FAM81A: variants seen among roughly 807,000 people sequenced by gnomAD.
FAM81A encodes family with sequence similarity 81 member A.
FAM81A carries 19 observed loss-of-function variants against 46.7 expected under a neutral mutation model. The ratio of observed to expected loss-of-function variants is 0.41; its 90% confidence interval spans 0.28 to 0.60. The LOEUF is 0.60. Ranked by LOEUF, FAM81A falls within the 20% of genes least tolerant of loss-of-function variation. The pLI is 0.34. For missense variants in FAM81A, 377 were observed against 453.5 expected (o/e 0.83, Z 1.53); for synonymous variants, 183 against 152.9 (o/e 1.20, Z -1.45).
intron 2 of FAM81A, among the ~76,000 whole-genome samples, chr15:59,423,409 T>G (rs780719972): frequency 1.2e-4 from 19 of 152,164 alleles, no homozygotes; most frequent in Non-Finnish European, 2.5e-4. Context: ...GAAATGAGTA[T>G]TATTATTAAC....
At chr15:59,497,851 C>T (rs1259331107) in intron 4 of FAM81A, among the ~76,000 whole-genome samples, 1 of 152,082 alleles carries the variant, frequency 6.6e-6, no homozygotes, top group South Asian at 2.1e-4. Flanking sequence ...AACAAATAAG[C>T]CTTTATTTAA....
chr15:59,513,457 G>A (rs113319928), intron 6 of FAM81A, among the ~76,000 whole-genome samples: 14 of 152,282 alleles, frequency 9.2e-5, no homozygotes, highest in African/African-American at 2.4e-4. Flanking sequence ...CTGTGTCGCT[G>A]TGTCACCTCA....
At chr15:59,425,466 G>A (rs2081191071) in intron 2 of FAM81A, among the ~76,000 whole-genome samples, 1 of 152,012 alleles carries the variant, frequency 6.6e-6, no homozygotes, top group Admixed American at 6.6e-5. Context: ...TTATTCATAA[G>A]CCTTATTTAA....
intron 4 of FAM81A, among the ~76,000 whole-genome samples, chr15:59,503,307 AAC>A (rs1224214866): frequency 6.6e-6 from 1 of 151,672 alleles, no homozygotes; most frequent in Non-Finnish European, 1.5e-5. Context: ...AACTAATGTT[AAC>A]AGTCTGTTGT....
At chr15:59,513,848 TAGATAAAGAAAATA>T (rs571317189) in intron 6 of FAM81A, among the ~76,000 whole-genome samples, 100 of 152,238 alleles carry the variant, frequency 6.6e-4, no homozygotes, top group African/African-American at 2.4e-3. Context: ...AATGATAGAC[TAGATAAAGAAAATA>T]TGGTACTTAT....
intron 8 of FAM81A, among the ~76,000 whole-genome samples, chr15:59,518,399 C>CT (rs1263363360): frequency 2.6e-5 from 4 of 152,126 alleles, no homozygotes; most frequent in African/African-American, 9.7e-5. Context: ...TCGTAGCTCA[C>CT]TACAGCCTCC....
At chr15:59,445,072 G>A (rs1162871203) in intron 1 of FAM81A, 7 of 152,218 alleles carry the variant, frequency 4.6e-5, no homozygotes, top group African/African-American at 1.4e-4. Flanking sequence ...TGGTACTTGA[G>A]GTTGAAAGTC....
intron 2 of FAM81A, among the ~76,000 whole-genome samples, chr15:59,418,779 A>G (rs1288201430): frequency 6.7e-6 from 1 of 148,756 alleles, no homozygotes; most frequent in Non-Finnish European, 1.5e-5. Context: ...TGGATAGCTT[A>G]TTTAAATTAT....
intron 1 of FAM81A, chr15:59,402,050 A>T: frequency 1.8e-6 from 1 of 545,106 alleles, no homozygotes; most frequent in East Asian, 3.4e-5. Context: ...GGTGCGAAAA[A>T]CGCTCTCAAT....
At chr15:59,507,099 T>C in intron 4 of FAM81A, 114 bp from the exon 5 acceptor site, 1 of 1,321,682 alleles carries the variant, frequency 7.6e-7, no homozygotes, top group Non-Finnish European at 1.0e-6. Context: ...TTCAAAAGAA[T>C]GATGGATAGT....
chr15:59,498,816 A>G (rs1274479430), intron 4 of FAM81A, among the ~76,000 whole-genome samples: 1 of 151,978 alleles, frequency 6.6e-6, no homozygotes, highest in East Asian at 1.9e-4. Flanking sequence ...CACCATGCCC[A>G]GCTAATTTTT....
chr15:59,493,902 T>C (rs1001032584), intron 4 of FAM81A, among the ~76,000 whole-genome samples: 21 of 152,182 alleles, frequency 1.4e-4, no homozygotes, highest in African/African-American at 4.8e-4. Flanking sequence ...CCTTCTTTTC[T>C]AACTTCTTTT....
intron 3 of FAM81A, among the ~76,000 whole-genome samples, chr15:59,483,043 ATT>A (rs879290904): frequency 4.1e-5 from 6 of 145,876 alleles, no homozygotes; most frequent in African/African-American, 7.5e-5. Flanking sequence ...TTTCTGGTGA[ATT>A]TTTTTTTTTT....
intron 1 of FAM81A, among the ~76,000 whole-genome samples, chr15:59,400,988 A>C (rs1251370686): frequency 1.3e-5 from 2 of 152,238 alleles, no homozygotes; most frequent in African/African-American, 4.8e-5. Context: ...TTAAAGGGAA[A>C]GTGATCTTTT....
intron 1 of FAM81A, chr15:59,401,111 T>G (rs2081068174): frequency 1.6e-6 from 1 of 619,230 alleles, no homozygotes; most frequent in Admixed American, 2.8e-5. Context: ...AATAAATCTC[T>G]TGATGATTGC....
At chr15:59,511,579 A>T (rs1377403820) in intron 6 of FAM81A, among the ~76,000 whole-genome samples, 1 of 152,234 alleles carries the variant, frequency 6.6e-6, no homozygotes, top group Non-Finnish European at 1.5e-5. Flanking sequence ...GGACGTGTTC[A>T]GACCCTAGAG....
intron 2 of FAM81A, among the ~76,000 whole-genome samples, chr15:59,409,585 C>A (rs770914534): frequency 5.3e-5 from 8 of 152,068 alleles, no homozygotes; most frequent in African/African-American, 1.7e-4. Context: ...GATCACTCAC[C>A]GGGACTGTCT....
intron 3 of FAM81A, among the ~76,000 whole-genome samples, chr15:59,464,941 T>C (rs1440528132): frequency 6.6e-6 from 1 of 152,228 alleles, no homozygotes; most frequent in Admixed American, 6.5e-5. Flanking sequence ...AGTTTTATCA[T>C]GTTGGGCCTT....
rs547967203 is a variant in FAM81A at position 59,463,228 on chromosome 15, C to T, written c.294+3022C>T. Reference sequence around the variant, plus strand: ...GTCTAAGTTAATTTTTTTTTCATCTCGCTATCTTAGGAAAATCTATCCTTT... The same window carrying T: ...GTCTAAGTTAATTTTTTTTTCATCTTGCTATCTTAGGAAAATCTATCCTTT... On this transcript the variant is annotated intron_variant, in intron 3 of 8. Transcript: ENST00000288228. 2.2e-4 allele frequency among the ~76,000 whole-genome samples: 33 copies of T among 151,940 alleles called. No homozygotes were observed. In the East Asian group the frequency reaches 4.6e-3, roughly 21 times the overall value.
Sources: gnomAD v4.1 joint callset for allele counts (sites outside exome capture counted in the v4.1 genomes callset) on GRCh38, gnomAD v4.1.1 for gene constraint, MANE v1.5 for transcripts, NCBI Gene and HGNC (gene_info 2026-07-23, HGNC 2026-07-21) for gene names.